STAB1: variants seen among roughly 807,000 people sequenced by gnomAD.
STAB1 encodes the protein stabilin-1.
A neutral mutation model predicts 332.4 loss-of-function variants in STAB1; 250 were observed. The observed-to-expected ratio is 0.75, with a 90% CI of 0.68 to 0.84. The LOEUF (loss-of-function observed/expected upper bound fraction) is 0.84. STAB1 is among the 40% of genes least tolerant of loss of function. STAB1 has a pLI of 0.00. For missense variants in STAB1, 3,249 were observed against 3,489.7 expected, an observed-to-expected ratio of 0.93 and a Z score of 1.74; for synonymous variants, 1,475 against 1,390.4, an observed-to-expected ratio of 1.06 and a Z score of -1.35.
At chr3:52,522,713 C>T (rs1359062553) in intron 61 of STAB1, 25 bp downstream of exon 61, 9 of 1,612,852 alleles carry the variant, frequency 5.6e-6, no homozygotes, top group Non-Finnish European at 7.6e-6. Flanking sequence ...GAAGTTGGGG[C>T]CAAGTGTTGG....
chr3:52,507,952 G>A lies in STAB1; in HGVS notation c.2074G>A (p.Val692Ile), dbSNP rs746448715. Reference sequence around the variant, plus strand: ...CTAGGACATCTTCCCCAAGGAGTGTGTCTACATCCATGACCCAACGGGGCT... The same window carrying A: ...CTAGGACATCTTCCCCAAGGAGTGTATCTACATCCATGACCCAACGGGGCT... ...VKLDIFPKEC[V>I]YIHDPTGLNV... Residue 692 changes from valine to isoleucine, a missense_variant, in exon 20 of 69, where the codon GTC becomes ATC. Coordinates refer to ENST00000321725, the MANE Select transcript of STAB1 (RefSeq NM_015136.3). The A allele has an allele frequency of 2.5e-5, 41 of 1,613,542 alleles. No homozygotes were observed. The highest frequency in any genetic ancestry group is 3.4e-5 in the Non-Finnish European group (40 of 1,179,976).
At position 52,523,570 on chromosome 3, in the gene STAB1, C is replaced by G. The variant is rs1158971287; in HGVS notation, c.7284C>G (p.Ala2428=). The part of the protein sequence containing the change: ...SDAGPDNSSW[A]PVAPGTVVVS... Reference sequence around the variant, plus strand: ...CAGGCCCTGACAACAGTTCCTGGGCCCCTGTGGTGAGTCTGGCCACTGTCC... The same window carrying G: ...CAGGCCCTGACAACAGTTCCTGGGCGCCTGTGGTGAGTCTGGCCACTGTCC... The change falls in exon 65 of 69, where the codon GCC becomes GCG. Residue 2428 remains alanine (A), a synonymous_variant. Transcript: ENST00000321725. The G allele has an allele frequency of 6.2e-7, 1 of 1,612,698 alleles. No homozygotes were observed. The highest frequency in any genetic ancestry group is 8.5e-7 in the Non-Finnish European group (1 of 1,180,008).
Position 52,523,592 on chromosome 3 carries a change from G to A in STAB1, c.7290+16G>A. The A allele has an allele frequency of 6.2e-7, 1 of 1,612,646 alleles. No homozygotes were observed. The highest frequency in any genetic ancestry group is 8.5e-7 in the Non-Finnish European group (1 of 1,180,008). On this transcript the variant is annotated intron_variant, in intron 65 of 68. Coordinates refer to ENST00000321725, the MANE Select transcript of STAB1 (RefSeq NM_015136.3). ...GGCCCCTGTGGTGAGTCTGGCCACT[G>A]TCCCACCCTGTTGGCCCTGGCCCTC...
In STAB1 at chr3:52,518,303, C is replaced by T. The variant is rs764646114; in HGVS notation, c.4762-9C>T. 1.1e-5 allele frequency: 18 copies of T among 1,612,294 alleles called. No individual in the cohort carries two copies. Among genetic ancestry groups the T allele is most frequent in the Non-Finnish European group, 1.4e-5 (16 of 1,179,562 alleles). ...CGCCCCAAATCTGAGCTGACCCTCG[C>T]CCCCCCAGGAGCTCCTGAGGGATAA... On this transcript the variant is annotated splice_polypyrimidine_tract_variant and intron_variant, in intron 45 of 68. Transcript: ENST00000321725.
chr3:52,521,114 C>A, intron 55 of STAB1, 109 bp downstream of exon 55: 1 of 1,348,384 alleles, frequency 7.4e-7, no homozygotes. Context: ...GGCTGGGGAG[C>A]TCTGGGTGGT....
Position 52,523,516 on chromosome 3 carries a change from C to T in STAB1, c.7230C>T (p.His2410=). 1 of 1,612,842 alleles carries T rather than the reference C, an allele frequency of 6.2e-7. No individual in the cohort carries two copies. Among genetic ancestry groups the T allele is most frequent in the Non-Finnish European group, 8.5e-7 (1 of 1,179,940 alleles). The change falls in exon 65 of 69, where the codon CAC becomes CAT. Residue 2410 remains histidine (H), a synonymous_variant. Coordinates refer to ENST00000321725, the MANE Select transcript of STAB1 (RefSeq NM_015136.3). Reference sequence around the variant, plus strand: ...GCCAGGGGAAGTTGCTTCCGGCCCACTCAGGCCTCAGCCTCATCATCAGTG... The same window carrying T: ...GCCAGGGGAAGTTGCTTCCGGCCCATTCAGGCCTCAGCCTCATCATCAGTG... ...NASQGKLLPA[H]SGLSLIISDA...
rs2078817286 is a variant in STAB1, at chr3:52,515,158, T to C, written c.3864+113T>C. 4 of 1,361,016 alleles carry C rather than the reference T, an allele frequency of 2.9e-6. No homozygotes were observed. The African/African-American group carries it at 4.3e-5, about 15-fold the overall frequency. 84.3% of individuals were successfully genotyped at this position (1,361,016 alleles called of 1,614,324 possible). ...TTTTGCTTGGCCCAGGCATCCAGGC[T>C]CAGGGAACTGGGTGGCTGACGTCCC... is the stretch of plus-strand genomic sequence containing the variant. On this transcript the variant is annotated intron_variant, in intron 36 of 68. Transcript: ENST00000321725.
chr3:52,516,307 A>G, intron 38 of STAB1, 49 bp from the exon 39 acceptor site: 1 of 1,606,662 alleles, frequency 6.2e-7, no homozygotes, highest in Non-Finnish European at 8.5e-7. Flanking sequence ...CCCAGCCGGG[A>G]CAGGATGGAG....
Position 52,501,645 on chromosome 3 carries a change from G to T in STAB1, c.223G>T (p.Val75Leu). The T allele has an allele frequency of 6.4e-7, 1 of 1,562,040 alleles. No homozygotes were observed. The highest frequency in any genetic ancestry group is 8.7e-7 in the Non-Finnish European group (1 of 1,153,872). The part of the protein sequence containing the change: ...DQITQDCRYE[V>L]QLGGSMVSMS... The stretch of plus-strand genomic sequence containing the variant: ...CCCACCCTCTGCCCCCAGCTACGAA[G>T]TACAGCTGGGGGGCTCTATGGTGTC... The change falls in exon 3 of 69, where the codon GTA (valine) becomes TTA (leucine). Residue 75 changes from valine to leucine, a missense_variant. Transcript: ENST00000321725.
Position 52,522,919 on chromosome 3 carries a change from G to A in STAB1, c.6889G>A (p.Ala2297Thr), listed in dbSNP as rs1245516314. The A allele has an allele frequency of 1.9e-6, 3 of 1,613,190 alleles. No homozygotes were observed. Among genetic ancestry groups the A allele is most frequent in the Non-Finnish European group, 2.5e-6 (3 of 1,179,982 alleles). Residue 2297 changes from alanine (A) to threonine (T), a missense_variant, in exon 62 of 69, where the codon GCC (alanine) becomes ACC (threonine). Transcript: ENST00000321725. ...CAAGAACCTCTCAGAACGCTGGGAT[G>A]CCTACTGCTTCCGTGTGCAAGGTGT... ...ARKNLSERWD[A>T]YCFRVQDVAC...
Position 52,506,685 on chromosome 3 carries a change from G to A in STAB1, c.1831-7G>A. ...CTGGGGGTTGGCTCAGTGGGTCTCTGCCGCAGGGGCGCATCCTGCTGGGAC... is the reference window on the plus strand; with the variant it reads ...CTGGGGGTTGGCTCAGTGGGTCTCTACCGCAGGGGCGCATCCTGCTGGGAC... On this transcript the variant is annotated splice_polypyrimidine_tract_variant and splice_region_variant and intron_variant, in intron 17 of 68. Transcript: ENST00000321725. The A allele has an allele frequency of 6.2e-7, 1 of 1,605,154 alleles. No homozygotes were observed. The highest frequency in any genetic ancestry group is 1.1e-5 in the South Asian group (1 of 90,172).
Position 52,516,189 on chromosome 3 carries a change from G to A in STAB1, c.4095G>A (p.Thr1365=), listed in dbSNP as rs768648667. Residue 1365 remains threonine, a synonymous_variant, in exon 38 of 69, where the codon ACG becomes ACA. Transcript: ENST00000321725. ...ACTGCCACGAGGGCTTCCATGGAAC[G>A]GCCTGTGAGGTGTGTGAGCTGGGCC... ...ECHCHEGFHG[T]ACEVCELGRY... The A allele has an allele frequency of 1.4e-5, 23 of 1,612,448 alleles. No homozygotes were observed. Among genetic ancestry groups the A allele is most frequent in the South Asian group, 2.2e-5 (2 of 91,082 alleles).
intron 22 of STAB1, chr3:52,509,617 C>G: frequency 1.7e-6 from 1 of 597,132 alleles, no homozygotes; most frequent in Non-Finnish European, 3.0e-6. Context: ...GGACTTAGGT[C>G]AGACACACTG....
At chr3:52,502,280 C>T (rs749315054) in intron 5 of STAB1, 52 bp downstream of exon 5, 20 of 1,583,834 alleles carry the variant, frequency 1.3e-5, no homozygotes, top group South Asian at 2.2e-5. Flanking sequence ...TGGGGGCCCA[C>T]GCAGATGCAG....
At chr3:52,514,085 G>T (rs1461782802) in intron 32 of STAB1, 30 bp from the exon 33 acceptor site, 7 of 1,610,616 alleles carry the variant, frequency 4.3e-6, no homozygotes, top group Non-Finnish European at 5.9e-6. Flanking sequence ...CAACTAATAT[G>T]CCCATCCCTG....
In STAB1 at chr3:52,512,947, G is replaced by C; in HGVS notation, c.3147G>C (p.Pro1049=). 3 of 1,609,944 alleles carry C rather than the reference G, an allele frequency of 1.9e-6. No individual in the cohort carries two copies. The highest frequency in any genetic ancestry group is 2.5e-6 in the Non-Finnish European group (3 of 1,178,546). ...RAFWLQPRTL[P]NLVRAHFLQG... is the part of the protein sequence containing the mutation. The stretch of plus-strand genomic sequence containing the variant: ...TCTGGCTGCAGCCAAGGACGCTGCC[G>C]AACCTGGTCAGGTGGGGCCGCCATT... The change falls in exon 29 of 69, where the codon CCG becomes CCC. Residue 1049 remains proline (P), a synonymous_variant. Transcript: ENST00000321725.
intron 15 of STAB1, 37 bp downstream of exon 15, chr3:52,505,818 G>T: frequency 1.9e-6 from 3 of 1,613,698 alleles, no homozygotes; most frequent in Non-Finnish European, 2.5e-6. Context: ...GGGTATGGGG[G>T]CACCAGGACC....
At chr3:52,501,920 G>T in intron 3 of STAB1, 86 bp from the exon 4 acceptor site, 2 of 1,537,078 alleles carry the variant, frequency 1.3e-6, no homozygotes, top group Non-Finnish European at 8.9e-7. Context: ...TGGGGGAGGG[G>T]CCGAGTCTGG....
intron 18 of STAB1, 122 bp downstream of exon 18, chr3:52,506,972 G>A: frequency 4.3e-6 from 6 of 1,383,544 alleles, no homozygotes; most frequent in Non-Finnish European, 5.9e-6. Context: ...CTGAGGCCCT[G>A]CTGGCAGACT....
Sources: allele counts gnomAD v4.1 joint callset, GRCh38; gene constraint gnomAD v4.1.1; transcripts MANE v1.5; gene names NCBI Gene and HGNC (gene_info 2026-07-23, HGNC 2026-07-21).